The following SIPA1L2 variants were observed in gnomAD, a reference collection of about 807,000 sequenced individuals.
SIPA1L2 encodes the protein signal-induced proliferation-associated 1-like protein 2.
A neutral mutation model predicts 163.9 loss-of-function variants in SIPA1L2; 56 were observed. That is an observed-to-expected ratio of 0.34 (90% CI 0.28 to 0.43). The LOEUF (loss-of-function observed/expected upper bound fraction) is 0.43, where lower values mean the gene tolerates loss of function less well. Ranked by LOEUF, SIPA1L2 falls within the 20% of genes least tolerant of loss-of-function variation. The pLI is 1.00. For missense variants in SIPA1L2, 1,974 were observed against 2,193.5 expected (o/e 0.90, Z 2.00); for synonymous variants, 877 against 865.7 (o/e 1.01, Z -0.23).
At chr1:232,478,111 A>G (rs947873176) in intron 7 of SIPA1L2, among the ~76,000 whole-genome samples, 2 of 152,226 alleles carry the variant, frequency 1.3e-5, no homozygotes, top group African/African-American at 4.8e-5. Context: ...TCTGCTCGGC[A>G]TTATTGCAAA....
At chr1:232,550,771 AACAG>A (rs778462990) in intron 2 of SIPA1L2, among the ~76,000 whole-genome samples, 40 of 152,362 alleles carry the variant, frequency 2.6e-4, no homozygotes, top group Non-Finnish European at 5.0e-4. Context: ...CGTGGGCTAA[AACAG>A]ACAGAGACAC....
chr1:232,572,781 T>TATA (rs1558277988), intron 2 of SIPA1L2, among the ~76,000 whole-genome samples: 38 of 50,378 alleles, frequency 7.5e-4, no homozygotes, highest in Non-Finnish European at 1.2e-3. Context: ...ATATATATAT[T>TATA]TATTTATTTA....
At chr1:232,471,566 T>C (rs1200387072) in intron 7 of SIPA1L2, 38 bp from the exon 8 acceptor site, 1 of 1,538,660 alleles carries the variant, frequency 6.5e-7, no homozygotes, top group East Asian at 2.3e-5. Context: ...AATAAGTTTT[T>C]CTTTAAAACA....
chr1:232,440,726 T>C (rs1185086805), intron 14 of SIPA1L2, among the ~76,000 whole-genome samples: 1 of 152,244 alleles, frequency 6.6e-6, no homozygotes, highest in Non-Finnish European at 1.5e-5. Context: ...AATTCCTGTT[T>C]CTGCATTTCA....
chr1:232,563,522 G>A (rs910238520), intron 2 of SIPA1L2, among the ~76,000 whole-genome samples: 1 of 152,152 alleles, frequency 6.6e-6, no homozygotes, highest in Non-Finnish European at 1.5e-5. Flanking sequence ...CTGTTGTGAT[G>A]ATTACATTAT....
intron 2 of SIPA1L2, among the ~76,000 whole-genome samples, chr1:232,550,964 G>T (rs772400976): frequency 1.4e-4 from 21 of 152,120 alleles, no homozygotes; most frequent in Non-Finnish European, 2.1e-4. Flanking sequence ...CAGTGGACTG[G>T]GAGTGAGGAG....
intron 2 of SIPA1L2, among the ~76,000 whole-genome samples, chr1:232,528,078 TTATATATATATATA>T (rs67185229): frequency 5.2e-5 from 5 of 96,118 alleles, no homozygotes; most frequent in African/African-American, 2.4e-4. Flanking sequence ...TAAGCAAGTT[TTATATATATATATA>T]TATATATATA....
intron 1 of SIPA1L2, among the ~76,000 whole-genome samples, chr1:232,590,673 C>T (rs1660911207): frequency 6.6e-6 from 1 of 152,132 alleles, no homozygotes; most frequent in Admixed American, 6.6e-5. Flanking sequence ...AAATTAGTTC[C>T]ATCCCTGCAT....
rs187778652 is a variant in SIPA1L2 at position 232,471,768 on chromosome 1, T to G, written c.2086-240A>C. On this transcript the variant is annotated intron_variant, in intron 7 of 22. Transcript: ENST00000674635. ...TTATTTTAAAATTCAATTTGTACTC[T>G]CTCTCCTTTTGGTCTTTATCCAGTT... 3.0e-3 allele frequency among the ~76,000 whole-genome samples: 463 copies of G among 152,296 alleles called. 1 individual carries two copies. The highest frequency in any genetic ancestry group is 4.3e-3 in the Non-Finnish European group (293 of 68,032).
At chr1:232,471,335 C>T (rs768999341) in intron 8 of SIPA1L2, 36 bp downstream of exon 8, 3 of 1,573,680 alleles carry the variant, frequency 1.9e-6, no homozygotes, top group Non-Finnish European at 2.6e-6. Context: ...TTGAAATAAA[C>T]CTGGGAGAAT....
At chr1:232,407,668 G>C (rs1015881111) in intron 19 of SIPA1L2, among the ~76,000 whole-genome samples, 1 of 152,154 alleles carries the variant, frequency 6.6e-6, no homozygotes, top group Non-Finnish European at 1.5e-5. Flanking sequence ...GGAAGATGGC[G>C]ATCTCTACCA....
At chr1:232,579,721 A>G (rs542733052) in intron 1 of SIPA1L2, among the ~76,000 whole-genome samples, 1 of 152,352 alleles carries the variant, frequency 6.6e-6, no homozygotes, top group Admixed American at 6.5e-5. Flanking sequence ...GAGCCATGGG[A>G]AAACTTCCTC....
At chr1:232,528,412 T>C (rs1358252551) in intron 2 of SIPA1L2, among the ~76,000 whole-genome samples, 3 of 152,168 alleles carry the variant, frequency 2.0e-5, no homozygotes, top group African/African-American at 7.2e-5. Context: ...TTCTCAAATT[T>C]ACACACAGCT....
intron 10 of SIPA1L2, among the ~76,000 whole-genome samples, chr1:232,458,038 A>T (rs889094987): frequency 6.6e-6 from 1 of 152,226 alleles, no homozygotes; most frequent in Non-Finnish European, 1.5e-5. Flanking sequence ...GGCTAGGCTT[A>T]AAGCCTTCAT....
chr1:232,630,231 G>T (rs1298934083), upstream of SIPA1L2, among the ~76,000 whole-genome samples: 1 of 151,574 alleles, frequency 6.6e-6, no homozygotes, highest in African/African-American at 2.4e-5. Flanking sequence ...AGGCCCCCTC[G>T]GCCCCGCCCC....
intron 1 of SIPA1L2, among the ~76,000 whole-genome samples, chr1:232,575,707 A>G (rs1173204632): frequency 1.3e-5 from 2 of 152,254 alleles, no homozygotes; most frequent in East Asian, 3.8e-4. Flanking sequence ...AGGATCTCGA[A>G]GATGAACTGG....
chr1:232,443,434 G>C (rs772170281), intron 12 of SIPA1L2, among the ~76,000 whole-genome samples, 168 bp downstream of exon 12: 1 of 152,134 alleles, frequency 6.6e-6, no homozygotes, highest in Non-Finnish European at 1.5e-5. Context: ...TACTTACACA[G>C]AAATAATGAG....
intron 6 of SIPA1L2, 47 bp downstream of exon 6, chr1:232,483,745 A>AC (rs1177664853): frequency 6.2e-7 from 1 of 1,605,594 alleles, no homozygotes; most frequent in Admixed American, 1.7e-5. Context: ...AAGCATGCCT[A>AC]CCTTTGGAGA....
Position 232,455,402 on chromosome 1 carries a change from C to A in SIPA1L2, c.3095+5485G>T, listed in dbSNP as rs1410106483. Among the ~76,000 whole-genome samples, 27 of 152,170 alleles carry A rather than the reference C, an allele frequency of 1.8e-4. 1 individual carries two copies. The highest frequency in any genetic ancestry group is 4.4e-5 in the Non-Finnish European group (3 of 68,030). On this transcript the variant is annotated intron_variant, in intron 10 of 22. Coordinates refer to ENST00000674635, the MANE Select transcript of SIPA1L2 (RefSeq NM_020808.5). ...GTCTGGATAAAGAAAATGTGGTTGGCCGGGTGCCGTGGCTCACGCCTGTAA... is the reference window on the plus strand; with the variant it reads ...GTCTGGATAAAGAAAATGTGGTTGGACGGGTGCCGTGGCTCACGCCTGTAA...
Sources: allele counts gnomAD v4.1 joint callset (sites outside exome capture counted in the v4.1 genomes callset), GRCh38; gene constraint gnomAD v4.1.1; transcripts MANE v1.5; gene names NCBI Gene and HGNC (gene_info 2026-07-23, HGNC 2026-07-21).